NOP9: variants seen among roughly 807,000 people sequenced by gnomAD.
NOP9 encodes NOP9 nucleolar protein, also known as nucleolar protein 9.
Under a neutral mutation model 63.0 loss-of-function variants are expected in NOP9, and 50 were observed. That is an observed-to-expected ratio of 0.79 (90% CI 0.63 to 1.00). The LOEUF (loss-of-function observed/expected upper bound fraction) is 1.00. Ranked by LOEUF, NOP9 falls within the 50% of genes least tolerant of loss-of-function variation. NOP9 has a pLI of 0.00. For missense variants in NOP9, 758 were observed against 803.0 expected (o/e 0.94, Z 0.68); for synonymous variants, 343 against 332.8 (o/e 1.03, Z -0.33).
chr14:24,302,498 C>T (rs2041396412), intron 5 of NOP9, 74 bp downstream of exon 5: 1 of 1,362,108 alleles, frequency 7.3e-7, no homozygotes, highest in Non-Finnish European at 1.0e-6. Context: ...GGTCTGTCTG[C>T]CTCTATATAC....
rs1471555309 is a variant in NOP9, at chr14:24,306,146, C to T, written c.*1051C>T. 3.1e-6 allele frequency: 5 copies of T among 1,611,252 alleles called. No homozygotes were observed. In the African/African-American group the frequency reaches 4.0e-5, roughly 13 times the overall value. ...TATGACAGCACTCCACTCTGTAGGA[C>T]ACCCTTGTCAGTGCAGTAGATCCTC... On this transcript the variant is annotated 3_prime_UTR_variant, in exon 10 of 10. Transcript: ENST00000267425.
the NOP9 span, among the ~76,000 whole-genome samples, chr14:24,282,412 A>G: frequency 7.2e-5 from 11 of 152,172 alleles, no homozygotes; most frequent in Non-Finnish European, 1.5e-4. Flanking sequence ...GGGCCTAGGT[A>G]GAGTGTTTGG....
chr14:24,303,638 T>C lies in NOP9; in HGVS notation c.1285-94T>C, dbSNP rs566744512. 1.5e-5 allele frequency: 19 copies of C among 1,297,204 alleles called. No homozygotes were observed. In the Admixed American group the frequency reaches 2.4e-4, roughly 17 times the overall value. The allele number at this position is 1,297,204 out of a possible 1,614,324, so 80.4% of individuals were successfully genotyped here. On this transcript the variant is annotated intron_variant, in intron 6 of 9. Coordinates refer to ENST00000267425, the MANE Select transcript of NOP9 (RefSeq NM_174913.3). ...CATGGAGCTAACATTCTTGTGGAGT[T>C]GGGCCTTCTTTCCTTTCCTGAAGGT... is the stretch of plus-strand genomic sequence containing the variant.
chr14:24,298,107 G>A (rs956930890), upstream of NOP9, among the ~76,000 whole-genome samples: 4 of 152,068 alleles, frequency 2.6e-5, no homozygotes, highest in African/African-American at 9.7e-5. Flanking sequence ...GTGCAGTGGT[G>A]CAATCATAGC....
the NOP9 span, chr14:24,271,511 A>C: frequency 3.4e-5 from 6 of 176,474 alleles, no homozygotes; most frequent in Admixed American, 3.8e-4. Context: ...GGCGCGGGGG[A>C]CGCGGAGCTG....
the NOP9 span, chr14:24,291,547 A>G: frequency 1.2e-6 from 2 of 1,614,172 alleles, no homozygotes; most frequent in African/African-American, 1.3e-5. Flanking sequence ...AGCTGCCCCC[A>G]AACTTCACCT....
At chr14:24,292,349 C>A in the NOP9 span, 2 of 1,613,402 alleles carry the variant, frequency 1.2e-6, no homozygotes, top group Admixed American at 1.7e-5. Context: ...AGGCGGAAGG[C>A]AGGGTAAGAG....
At chr14:24,275,254 C>T in the NOP9 span, among the ~76,000 whole-genome samples, 1 of 152,120 alleles carries the variant, frequency 6.6e-6, no homozygotes, top group South Asian at 2.1e-4. Flanking sequence ...TTTTTACTGC[C>T]CTCTATGTAT....
chr14:24,300,761 A>G lies in NOP9; in HGVS notation c.601A>G (p.Thr201Ala). Residue 201 changes from threonine to alanine, a missense_variant, in exon 2 of 10, where the codon ACA becomes GCA. By Grantham distance (58) the Thr-to-Ala change is moderately conservative. Coordinates refer to ENST00000267425, the MANE Select transcript of NOP9 (RefSeq NM_174913.3). ...CDDFLVYCGD[T>A]HGSFVVRTLL... Reference sequence around the variant, plus strand: ...TGATTTTCTTGTCTACTGTGGAGACACACATGGCAGCTTCGTGGTCAGAAC... The same window carrying G: ...TGATTTTCTTGTCTACTGTGGAGACGCACATGGCAGCTTCGTGGTCAGAAC... 1 of 1,614,192 alleles carries G rather than the reference A, an allele frequency of 6.2e-7. No homozygotes were observed. Among genetic ancestry groups the G allele is most frequent in the Non-Finnish European group, 8.5e-7 (1 of 1,180,042 alleles).
At chr14:24,275,467 C>T in the NOP9 span, among the ~76,000 whole-genome samples, 4 of 152,176 alleles carry the variant, frequency 2.6e-5, no homozygotes, top group Non-Finnish European at 5.9e-5. Flanking sequence ...TGAGAGTGAC[C>T]ATTGCCAGAG....
the NOP9 span, chr14:24,294,572 A>G: frequency 6.7e-6 from 1 of 148,690 alleles, no homozygotes; most frequent in Non-Finnish European, 1.5e-5. Context: ...TGGGTGACAG[A>G]GCGAGATTCC....
rs1434093492 is a variant in NOP9 at position 24,305,264 on chromosome 14, G to A, written c.*169G>A. The A allele has an allele frequency of 6.8e-6, 5 of 739,210 alleles. No homozygotes were observed. The highest frequency in any genetic ancestry group is 3.1e-5 in the East Asian group (1 of 32,162). The allele number at this position is 739,210 out of a possible 1,614,324, so 45.8% of individuals were successfully genotyped here. A position where few individuals can be genotyped will look rare whatever the true frequency, so the allele number is the denominator to read the frequency against. On this transcript the variant is annotated 3_prime_UTR_variant, in exon 10 of 10. Coordinates refer to ENST00000267425, the MANE Select transcript of NOP9 (RefSeq NM_174913.3). ...GGAAGGGTATGAAGACAGATCTCAA[G>A]GTAAAGTCAGAGAGGGCTGTCATCA...
intron 8 of NOP9, 21 bp from the exon 9 acceptor site, chr14:24,304,472 A>G: frequency 1.3e-6 from 2 of 1,576,348 alleles, no homozygotes; most frequent in Non-Finnish European, 1.7e-6. Context: ...AGGGAGACCT[A>G]CTTTGCTTGT....
In NOP9 at chr14:24,307,516, C is replaced by A; in HGVS notation, c.*2421C>A. The A allele has an allele frequency of 3.1e-6, 5 of 1,612,298 alleles. No individual in the cohort carries two copies. Among genetic ancestry groups the A allele is most frequent in the Non-Finnish European group, 4.2e-6 (5 of 1,178,914 alleles). On this transcript the variant is annotated 3_prime_UTR_variant, in exon 10 of 10. Transcript: ENST00000267425. ...CTCCGAGCTTATATTAGATACTGACCTGGTAGTTGAGAAGAAAAGTCAAGA... is the reference window on the plus strand; with the variant it reads ...CTCCGAGCTTATATTAGATACTGACATGGTAGTTGAGAAGAAAAGTCAAGA...
In NOP9 at chr14:24,301,961, A is replaced by G. The variant is rs766576290; in HGVS notation, c.809-4A>G. On this transcript the variant is annotated splice_region_variant and splice_polypyrimidine_tract_variant and intron_variant, in intron 3 of 9. Coordinates refer to ENST00000267425, the MANE Select transcript of NOP9 (RefSeq NM_174913.3). ...GCCGCTTTATTTCTGCCCTCTCTCC[A>G]CAGTGTTTATCACTGATAAGATCTC... The G allele has an allele frequency of 1.6e-5, 26 of 1,607,908 alleles. No homozygotes were observed. Among genetic ancestry groups the G allele is most frequent in the African/African-American group, 4.0e-5 (3 of 74,512 alleles).
chr14:24,304,407 C>A, intron 8 of NOP9, 86 bp from the exon 9 acceptor site: 1 of 1,369,464 alleles, frequency 7.3e-7, no homozygotes, highest in Non-Finnish European at 1.0e-6. Context: ...AGCCCTTAAA[C>A]TCTTCAGAAA....
chr14:24,274,987 A>G, the NOP9 span, among the ~76,000 whole-genome samples: 1 of 137,274 alleles, frequency 7.3e-6, no homozygotes, highest in Non-Finnish European at 1.5e-5. Context: ...ATCTTGGCTC[A>G]CTGCAACTTG....
At chr14:24,294,023 A>C in the NOP9 span, 2 of 152,202 alleles carry the variant, frequency 1.3e-5, no homozygotes, top group African/African-American at 4.8e-5. Flanking sequence ...ACAACCGACC[A>C]GTTATTTGAG....
chr14:24,302,338 C>G lies in NOP9; in HGVS notation c.1057C>G (p.Gln353Glu), dbSNP rs573854331. ...CCAGAGCCTCTTTGAGGAGCACTTG[C>G]AGGGGCAGCTGCAGACCCTGGCTGC... ...RLQSLFEEHL[Q>E]GQLQTLAAHP... The change falls in exon 5 of 10, where the codon CAG (glutamine) becomes GAG (glutamate). Residue 353 changes from glutamine (Q) to glutamate (E), a missense_variant. By Grantham distance (29) the Gln-to-Glu change is conservative. Coordinates refer to ENST00000267425, the MANE Select transcript of NOP9 (RefSeq NM_174913.3). 3 of 1,614,012 alleles carry G rather than the reference C, an allele frequency of 1.9e-6. No homozygotes were observed. Among genetic ancestry groups the G allele is most frequent in the African/African-American group, 2.7e-5 (2 of 74,908 alleles).
Sources: gnomAD v4.1 joint callset for allele counts (sites outside exome capture counted in the v4.1 genomes callset) on GRCh38, gnomAD v4.1.1 for gene constraint, MANE v1.5 for transcripts, NCBI Gene and HGNC (gene_info 2026-07-23, HGNC 2026-07-21) for gene names.